The following CCSER1 variants were observed in gnomAD, a reference collection of about 807,000 sequenced individuals.
The protein encoded by CCSER1 is serine-rich coiled-coil domain-containing protein 1.
In CCSER1, 41 loss-of-function variants were observed where a neutral mutation model predicts 82.0. That is an observed-to-expected ratio of 0.50 (90% CI 0.39 to 0.65). The LOEUF (loss-of-function observed/expected upper bound fraction) is 0.65, where lower values mean the gene tolerates loss of function less well. Ranked by LOEUF, CCSER1 falls within the 30% of genes least tolerant of loss-of-function variation. The probability of loss-of-function intolerance (pLI) is 0.00; values close to 1 mark genes in which losing one functional copy is unlikely to be tolerated. For synonymous variants in CCSER1, 414 were observed against 383.9 expected, an observed-to-expected ratio of 1.08 and a Z score of -0.92; for missense variants, 1,119 against 1,064.2, an observed-to-expected ratio of 1.05 and a Z score of -0.72.
rs573672789 is a variant in CCSER1 at position 91,595,854 on chromosome 4, G to C, written c.2218-2718G>C. On this transcript the variant is annotated intron_variant, in intron 10 of 10. Transcript: ENST00000509176. ...AGAATAAATGAATTCATATATATCT[G>C]ACCCTACCCATATGATTAACCCCTG... 9.9e-4 allele frequency among the ~76,000 whole-genome samples: 145 copies of C among 146,166 alleles called. 1 individual carries two copies. Among genetic ancestry groups the C allele is most frequent in the African/African-American group, 3.4e-3 (133 of 39,472 alleles).
intron 10 of CCSER1, among the ~76,000 whole-genome samples, chr4:91,328,819 C>A (rs1009248011): frequency 2.0e-5 from 3 of 152,060 alleles, no homozygotes; most frequent in Non-Finnish European, 4.4e-5. Flanking sequence ...TTGTAATGAT[C>A]CCCACATGTC....
At chr4:90,821,769 G>A (rs2149789465) in intron 8 of CCSER1, among the ~76,000 whole-genome samples, 1 of 152,214 alleles carries the variant, frequency 6.6e-6, no homozygotes, top group South Asian at 2.1e-4. Flanking sequence ...GAAAGTTTCA[G>A]TGTCTTTCCC....
Position 91,091,696 on chromosome 4 carries a change from C to T in CCSER1, c.2217+5702C>T, listed in dbSNP as rs556898541. On this transcript the variant is annotated intron_variant, in intron 10 of 10. Transcript: ENST00000509176. ...TTGGCCTCCCAGGTTCCAGTGGCTG[C>T]GGGCTTTATGTGGCTGTGGTGAATC... Among the ~76,000 whole-genome samples the T allele has an allele frequency of 2.2e-4, 34 of 152,268 alleles. 1 individual carries two copies. In the South Asian group the frequency reaches 2.5e-3, roughly 11 times the overall value.
At chr4:90,729,348 T>G (rs887209571) in intron 7 of CCSER1, among the ~76,000 whole-genome samples, 1 of 152,200 alleles carries the variant, frequency 6.6e-6, no homozygotes, top group African/African-American at 2.4e-5. Flanking sequence ...AATTATTTAC[T>G]TTGATGAAGA....
intron 3 of CCSER1, among the ~76,000 whole-genome samples, chr4:90,361,211 T>C (rs1745315406): frequency 6.6e-6 from 1 of 152,248 alleles, no homozygotes; most frequent in Admixed American, 6.5e-5. Flanking sequence ...TTTATGATAG[T>C]AGCTAAAAAG....
At chr4:90,641,866 T>C (rs1726591389) in intron 6 of CCSER1, 2 of 244,362 alleles carry the variant, frequency 8.2e-6, no homozygotes, top group South Asian at 8.7e-5. Flanking sequence ...GGTAATCTAT[T>C]TGTGTTATTA....
In CCSER1 at chr4:91,602,698, A is replaced by T. The variant is rs907232714; in HGVS notation, c.*3641A>T. ...GGAAGTGGTTCAAAATAACCCTAAG[A>T]TTCCATTGAAACATATACACACAGA... On this transcript the variant is annotated 3_prime_UTR_variant, in exon 11 of 11. Coordinates refer to ENST00000509176, the MANE Select transcript of CCSER1 (RefSeq NM_001145065.2). Among the ~76,000 whole-genome samples the T allele has an allele frequency of 6.6e-6, 1 of 152,068 alleles. No homozygotes were observed. Among genetic ancestry groups the T allele is most frequent in the Non-Finnish European group, 1.5e-5 (1 of 67,940 alleles).
At position 90,534,472 on chromosome 4, in the gene CCSER1, TGTG is replaced by T. The variant is rs1360154421; in HGVS notation, c.1724+66119_1724+66121del. ...GTGTGTGTGTGTGTGTGTGTGTGTGTGTGTGTGTGTGTGTGTGATGTTTACCTA... is the reference window on the plus strand; with the variant it reads ...GTGTGTGTGTGTGTGTGTGTGTGTGTTGTGTGTGTGTGTGATGTTTACCTA... On this transcript the variant is annotated intron_variant, in intron 5 of 10. Transcript: ENST00000509176. Among the ~76,000 whole-genome samples, 112 of 151,470 alleles carry T rather than the reference TGTG, an allele frequency of 7.4e-4. 1 individual carries two copies. The highest frequency in any genetic ancestry group is 2.4e-3 in the African/African-American group (101 of 41,382).
chr4:90,796,371 T>C (rs770939678), intron 7 of CCSER1, among the ~76,000 whole-genome samples: 1 of 151,388 alleles, frequency 6.6e-6, no homozygotes, highest in Admixed American at 6.6e-5. Context: ...GGATATTATC[T>C]CTTTTCTTCA....
intron 5 of CCSER1, among the ~76,000 whole-genome samples, chr4:90,500,629 C>A (rs1161820126): frequency 6.6e-6 from 1 of 152,084 alleles, no homozygotes; most frequent in Non-Finnish European, 1.5e-5. Flanking sequence ...CTGCTCCCGG[C>A]CCACATCTTT....
intron 10 of CCSER1, among the ~76,000 whole-genome samples, chr4:91,099,593 C>G (rs1299501069): frequency 6.6e-6 from 1 of 152,034 alleles, no homozygotes; most frequent in Non-Finnish European, 1.5e-5. Flanking sequence ...TTTAGAGAGG[C>G]ATGAGACATC....
intron 9 of CCSER1, among the ~76,000 whole-genome samples, chr4:90,950,655 G>A (rs904130372): frequency 6.6e-6 from 1 of 152,084 alleles, no homozygotes; most frequent in Non-Finnish European, 1.5e-5. Flanking sequence ...GGCATACAGT[G>A]ATAACCTTTT....
At position 90,313,015 on chromosome 4, in the gene CCSER1, G is replaced by T; in HGVS notation, c.1477G>T (p.Ala493Ser). The change falls in exon 3 of 11, where the codon GCA becomes TCA. Residue 493 changes from alanine (A) to serine (S), a missense_variant. Transcript: ENST00000509176. The part of the protein sequence containing the change: ...EEVNSLRKQR[A>S]GSSSSKMNSL... ...AGTTAATAGTTTAAGAAAGCAAAGAGCAGGTTCTTCATCTTCAAAAATGAA... is the reference window on the plus strand; with the variant it reads ...AGTTAATAGTTTAAGAAAGCAAAGATCAGGTTCTTCATCTTCAAAAATGAA... 6.2e-7 allele frequency: 1 copy of T among 1,604,940 alleles called. No individual in the cohort carries two copies. Among genetic ancestry groups the T allele is most frequent in the South Asian group, 1.1e-5 (1 of 89,126 alleles).
chr4:90,468,085 A>T (rs1180616603), intron 4 of CCSER1, 149 bp from the exon 5 acceptor site: 1 of 761,576 alleles, frequency 1.3e-6, no homozygotes, highest in Non-Finnish European at 1.9e-6. Flanking sequence ...AAAGACTTAG[A>T]GCAGAAAATA....
chr4:91,021,089 A>G (rs1739918920), intron 9 of CCSER1, among the ~76,000 whole-genome samples: 1 of 152,176 alleles, frequency 6.6e-6, no homozygotes, highest in Non-Finnish European at 1.5e-5. Flanking sequence ...TTAAATCCCT[A>G]TATAGATACA....
chr4:91,392,040 C>T (rs951410996), intron 10 of CCSER1, among the ~76,000 whole-genome samples: 3 of 151,968 alleles, frequency 2.0e-5, no homozygotes, highest in Non-Finnish European at 2.9e-5. Context: ...AGCAATTGTA[C>T]TCTATTTGTA....
rs543776540 is a variant in CCSER1, at chr4:90,442,850, A to T, written c.1604-25384A>T. ...GAATTACTGGGAGAGGATTATGCTGACAGAGAGAGTGCCGGTCCTTGGTCT... is the reference window on the plus strand; with the variant it reads ...GAATTACTGGGAGAGGATTATGCTGTCAGAGAGAGTGCCGGTCCTTGGTCT... On this transcript the variant is annotated intron_variant, in intron 4 of 10. Coordinates refer to ENST00000509176, the MANE Select transcript of CCSER1 (RefSeq NM_001145065.2). 2.0e-5 allele frequency among the ~76,000 whole-genome samples: 3 copies of T among 152,276 alleles called. No individual in the cohort carries two copies. In the East Asian group the frequency reaches 5.8e-4, roughly 29 times the overall value.
At chr4:90,636,001 C>T (rs1045766804) in intron 6 of CCSER1, among the ~76,000 whole-genome samples, 2 of 151,448 alleles carry the variant, frequency 1.3e-5, no homozygotes, top group African/African-American at 4.8e-5. Flanking sequence ...AAATTAAAAA[C>T]AAATAATAAG....
chr4:90,738,935 C>A (rs1746095569), intron 7 of CCSER1, among the ~76,000 whole-genome samples: 1 of 152,090 alleles, frequency 6.6e-6, no homozygotes, highest in South Asian at 2.1e-4. Context: ...AATTCAGGAC[C>A]CCAGGAGCTT....
Sources: allele counts gnomAD v4.1 joint callset (sites outside exome capture counted in the v4.1 genomes callset), GRCh38; gene constraint gnomAD v4.1.1; transcripts MANE v1.5; gene names NCBI Gene and HGNC (gene_info 2026-07-23, HGNC 2026-07-21).